Variants in MACROH2A1 observed in about 807,000 individuals in gnomAD.
MACROH2A1 encodes the protein core histone macro-H2A.1.
A neutral mutation model predicts 31.6 loss-of-function variants in MACROH2A1; 2 were observed. The ratio of observed to expected loss-of-function variants is 0.06; its 90% CI spans 0.03 to 0.20. MACROH2A1 has a LOEUF of 0.20. Ranked by LOEUF, MACROH2A1 falls within the 10% of genes least tolerant of loss-of-function variation. The pLI is 1.00. For missense variants in MACROH2A1, 230 were observed against 474.0 expected (o/e 0.49, Z 4.78); for synonymous variants, 169 against 189.6 (o/e 0.89, Z 0.89).
intron 2 of MACROH2A1, among the ~76,000 whole-genome samples, chr5:135,384,943 T>TCCCCCCA (rs891534989): frequency 6.6e-6 from 1 of 152,204 alleles, no homozygotes; most frequent in Non-Finnish European, 1.5e-5. Flanking sequence ...GGACCCCAAG[T>TCCCCCCA]GGTCCCCAGA....
At chr5:135,390,076 G>A (rs1369961807) in intron 1 of MACROH2A1, among the ~76,000 whole-genome samples, 2 of 152,192 alleles carry the variant, frequency 1.3e-5, no homozygotes, top group Non-Finnish European at 2.9e-5. Flanking sequence ...GGCCACCTGT[G>A]GTCTAAACTA....
chr5:135,375,778 CCAA>C (rs3079154), intron 2 of MACROH2A1, among the ~76,000 whole-genome samples: 2,320 of 152,274 alleles, frequency 0.015, 38 homozygotes, highest in South Asian at 0.073. Flanking sequence ...TGCTACAAGG[CCAA>C]CAACATGACA....
At chr5:135,383,037 T>A (rs1384125196) in intron 2 of MACROH2A1, among the ~76,000 whole-genome samples, 3 of 152,240 alleles carry the variant, frequency 2.0e-5, no homozygotes, top group Non-Finnish European at 4.4e-5. Context: ...CCTGGTGGCT[T>A]CCAGGCTCTA....
In MACROH2A1 at chr5:135,343,286, A is replaced by G. The variant is rs1359016045; in HGVS notation, c.927T>C (p.Ile309=). The G allele has an allele frequency of 9.3e-6, 15 of 1,614,132 alleles. No homozygotes were observed. The highest frequency in any genetic ancestry group is 1.3e-5 in the Non-Finnish European group (15 of 1,180,028). ...ALADDKKLKS[I]AFPSIGSGRN... ...TGCCGCTGCCGATGGATGGAAATGC[A>G]ATGGATTTCAGCTTCTTATCATCAG... Residue 309 remains isoleucine (I), a synonymous_variant, in exon 8 of 9, where the codon ATT becomes ATC. Transcript: ENST00000511689.
intron 7 of MACROH2A1, chr5:135,345,632 T>G (rs1292347194): frequency 4.7e-6 from 1 of 214,046 alleles, no homozygotes; most frequent in Admixed American, 5.4e-5. Flanking sequence ...TTAATTTGTA[T>G]CTCTCACCAG....
intron 4 of MACROH2A1, chr5:135,363,002 T>C (rs1763029962): frequency 6.6e-6 from 1 of 152,146 alleles, no homozygotes; most frequent in South Asian, 2.1e-4. Context: ...AGTTCTGTAT[T>C]TGGGTCCTGG....
At position 135,388,908 on chromosome 5, in the gene MACROH2A1, T is replaced by C. The variant is rs199744713; in HGVS notation, c.172+14A>G. On this transcript the variant is annotated intron_variant, in intron 2 of 8. Coordinates refer to ENST00000511689, the MANE Select transcript of MACROH2A1 (RefSeq NM_138610.3). ...TTAAGCCAGTGGTGTCTGGGTTGAC[T>C]GAGGTACACTCACCTGTCAGGTATT... 1.5e-4 allele frequency: 241 copies of C among 1,577,294 alleles called. No homozygotes were observed. Among genetic ancestry groups the C allele is most frequent in the Non-Finnish European group, 1.9e-4 (222 of 1,152,178 alleles).
intron 6 of MACROH2A1, chr5:135,350,916 A>G (rs772722954): frequency 4.4e-6 from 7 of 1,592,904 alleles, no homozygotes; most frequent in Admixed American, 3.3e-5. Context: ...ACTTGCAACT[A>G]TAACAGGTAA....
chr5:135,337,992 C>T, intron 8 of MACROH2A1: 1 of 1,203,020 alleles, frequency 8.3e-7, no homozygotes, highest in Non-Finnish European at 1.1e-6. Flanking sequence ...ACTGCGCAGG[C>T]TGCCAGGAAG....
chr5:135,357,603 A>T, intron 5 of MACROH2A1: 1 of 236,408 alleles, frequency 4.2e-6, no homozygotes, highest in Non-Finnish European at 6.9e-6. Flanking sequence ...ATTTACCATT[A>T]AGTCAGTGTT....
chr5:135,383,144 A>G (rs17168229), intron 2 of MACROH2A1, among the ~76,000 whole-genome samples: 3,934 of 152,308 alleles, frequency 0.026, 110 homozygotes, highest in Admixed American at 0.073. Context: ...ATAGTGTTGA[A>G]CTGATTCTTT....
chr5:135,380,448 G>A (rs1429938651), intron 2 of MACROH2A1, among the ~76,000 whole-genome samples: 2 of 152,200 alleles, frequency 1.3e-5, no homozygotes, highest in Admixed American at 6.5e-5. Flanking sequence ...GATTAAGGAT[G>A]GCAGTGAAGG....
chr5:135,380,651 A>AT (rs1765540580), intron 2 of MACROH2A1, among the ~76,000 whole-genome samples: 1 of 152,188 alleles, frequency 6.6e-6, no homozygotes, highest in Admixed American at 6.5e-5. Flanking sequence ...GTGTTGAGGG[A>AT]TTAAGGGCAG....
intron 2 of MACROH2A1, among the ~76,000 whole-genome samples, chr5:135,386,309 C>T (rs1408614507): frequency 1.3e-5 from 2 of 152,230 alleles, no homozygotes; most frequent in Non-Finnish European, 2.9e-5. Context: ...CATGCATTAA[C>T]TGCTCAGAAC....
intron 1 of MACROH2A1, 51 bp from the exon 2 acceptor site, chr5:135,389,177 C>A (rs1213774168): frequency 3.5e-6 from 5 of 1,416,988 alleles, no homozygotes; most frequent in Non-Finnish European, 4.8e-6. Flanking sequence ...CAGCACATGT[C>A]CCCTTTCCAG....
chr5:135,337,250 T>G (rs566534965), intron 8 of MACROH2A1, among the ~76,000 whole-genome samples: 1 of 152,368 alleles, frequency 6.6e-6, no homozygotes, highest in African/African-American at 2.4e-5. Context: ...GGGCAGGGCT[T>G]CTGTAGCTGC....
At chr5:135,351,205 C>T (rs562881908) in intron 6 of MACROH2A1, 3 of 233,212 alleles carry the variant, frequency 1.3e-5, no homozygotes, top group Admixed American at 5.3e-5. Context: ...ATGAATGCCC[C>T]GTTTCACTTC....
At chr5:135,390,260 TGTGC>T (rs1413404501) in intron 1 of MACROH2A1, among the ~76,000 whole-genome samples, 2 of 152,202 alleles carry the variant, frequency 1.3e-5, no homozygotes, top group African/African-American at 4.8e-5. Context: ...CAGGGCCCCA[TGTGC>T]TGCACACCAC....
intron 6 of MACROH2A1, 91 bp from the exon 7 acceptor site, chr5:135,346,148 G>T (rs970836121): frequency 5.0e-6 from 4 of 807,370 alleles, no homozygotes; most frequent in South Asian, 2.7e-5. Flanking sequence ...TACTTCAAAT[G>T]ATCTATTAAA....
Sources: gnomAD v4.1 joint callset for allele counts (sites outside exome capture counted in the v4.1 genomes callset) on GRCh38, gnomAD v4.1.1 for gene constraint, MANE v1.5 for transcripts, NCBI Gene and HGNC (gene_info 2026-07-23, HGNC 2026-07-21) for gene names.